GATA2: variants seen among roughly 807,000 people sequenced by gnomAD.
GATA2 encodes the protein GATA binding protein 2, also known as endothelial transcription factor GATA-2.
A neutral mutation model predicts 35.7 loss-of-function variants in GATA2; 6 were observed. The ratio of observed to expected loss-of-function variants is 0.17; its 90% CI spans 0.09 to 0.33. The LOEUF is 0.33. GATA2 is among the 10% of genes least tolerant of loss of function. The pLI is 1.00. For synonymous variants in GATA2, 313 were observed against 274.9 expected, an observed-to-expected ratio of 1.14 and a Z score of -1.37; for missense variants, 541 against 656.6, an observed-to-expected ratio of 0.82 and a Z score of 1.92.
Position 128,483,095 on chromosome 3 carries a change from C to T in GATA2, c.1017+765G>A, listed in dbSNP as rs565413412. Among the ~76,000 whole-genome samples, 9 of 152,356 alleles carry T rather than the reference C, an allele frequency of 5.9e-5. 1 individual carries two copies. Among genetic ancestry groups the T allele is most frequent in the East Asian group, 1.9e-4 (1 of 5,192 alleles). ...CCCCACCCGGGCCTCACCCCGCCCT[C>T]GCTCCAGGGGAAAAAAAGGCCCCCA... On this transcript the variant is annotated intron_variant, in intron 4 of 5. Transcript: ENST00000341105.
chr3:128,483,050 G>C (rs950619735), intron 4 of GATA2, among the ~76,000 whole-genome samples: 2 of 152,188 alleles, frequency 1.3e-5, no homozygotes, highest in Non-Finnish European at 2.9e-5. Context: ...AGGGGCCAAC[G>C]CCGCGTCCTC....
chr3:128,491,711 G>A (rs1043130806), intron 1 of GATA2, among the ~76,000 whole-genome samples: 61 of 152,048 alleles, frequency 4.0e-4, no homozygotes, highest in Non-Finnish European at 8.4e-4. Context: ...AGAGTCTGTG[G>A]CCCCCACGTC....
chr3:128,481,799 C>A lies in GATA2; in HGVS notation c.1143+20G>T, dbSNP rs374234165. 3.1e-5 allele frequency: 50 copies of A among 1,607,770 alleles called. No homozygotes were observed. In the African/African-American group the frequency reaches 5.9e-4, roughly 19 times the overall value. On this transcript the variant is annotated intron_variant, in intron 5 of 5. Transcript: ENST00000341105. ...AGGTCCCCTGGGAGGGGCGGGGTGG[C>A]CGGGGCGGGGCGCACTCACATTGTG...
intron 2 of GATA2, 106 bp downstream of exon 2, chr3:128,486,697 G>C (rs976572967): frequency 8.5e-7 from 1 of 1,170,900 alleles, no homozygotes; most frequent in Non-Finnish European, 1.2e-6. Flanking sequence ...TCAGCAGCTC[G>C]ATTCCTGCGG....
Position 128,487,046 on chromosome 3 carries a change from G to A in GATA2, c.-15C>T. The stretch of plus-strand genomic sequence containing the variant: ...GCCACCTCCATGGCCGGCGGCGGCG[G>A]CTCAGGGTCTGGGTGCAGACGGCAA... On this transcript the variant is annotated 5_prime_UTR_variant, in exon 2 of 6. Coordinates refer to ENST00000341105, the MANE Select transcript of GATA2 (RefSeq NM_032638.5). The A allele has an allele frequency of 1.3e-6, 2 of 1,559,828 alleles. No individual in the cohort carries two copies. The highest frequency in any genetic ancestry group is 1.9e-5 in the Admixed American group (1 of 52,964).
rs2068706218 is a variant in GATA2, at chr3:128,486,791, C to T, written c.229+12G>A. ...GCGCCTGGGTTCTCATCACCACGGG[C>T]CCAGTGCTCACCGTGCGCGGGGCTG... On this transcript the variant is annotated intron_variant, in intron 2 of 5. Transcript: ENST00000341105. The T allele has an allele frequency of 6.3e-7, 1 of 1,590,142 alleles. No individual in the cohort carries two copies. The highest frequency in any genetic ancestry group is 8.6e-7 in the Non-Finnish European group (1 of 1,169,588).
rs1021829661 is a variant in GATA2, at chr3:128,491,224, G to C, written c.-46+1675C>G. Among the ~76,000 whole-genome samples, 319 of 75,786 alleles carry C rather than the reference G, an allele frequency of 4.2e-3. 4 individuals carry two copies. Among genetic ancestry groups the C allele is most frequent in the Non-Finnish European group, 4.1e-3 (150 of 36,218 alleles). The allele number at this position is 75,786 out of a possible 152,430, so 49.7% of individuals were successfully genotyped here. On this transcript the variant is annotated intron_variant, in intron 1 of 5. Transcript: ENST00000341105. ...GGCCGTCCAGCCCCCCCCCCCCTCT[G>C]AGCCCTTTGTTTAAAGTTAGCTCAT...
intron 2 of GATA2, 47 bp downstream of exon 2, chr3:128,486,756 C>T: frequency 2.0e-6 from 3 of 1,538,230 alleles, no homozygotes; most frequent in Non-Finnish European, 2.7e-6. Context: ...CCTCCCTCGC[C>T]TGGCGCGCGG....
In GATA2 at chr3:128,481,936, G is replaced by A. The variant is rs758279649; in HGVS notation, c.1026C>T (p.Ala342=). ...TTGCACAACAGGTGCCGGCTCTTCTGGCGGCCGACTGGGAGGGCAAGGCAG... is the reference window on the plus strand; with the variant it reads ...TTGCACAACAGGTGCCGGCTCTTCTAGCGGCCGACTGGGAGGGCAAGGCAG... ...LIKPKRRLSA[A]RRAGTCCANC... The change falls in exon 5 of 6, where the codon GCC becomes GCT. Residue 342 remains alanine (A), a synonymous_variant. Transcript: ENST00000341105. 2 of 1,613,520 alleles carry A rather than the reference G, an allele frequency of 1.2e-6. No individual in the cohort carries two copies. The highest frequency in any genetic ancestry group is 2.2e-5 in the South Asian group (2 of 91,088).
chr3:128,484,063 G>C, intron 3 of GATA2, 58 bp from the exon 4 acceptor site: 1 of 1,593,468 alleles, frequency 6.3e-7, no homozygotes, highest in East Asian at 2.2e-5. Context: ...TCTCGGGAGG[G>C]AGTCCAGGGC....
intron 4 of GATA2, 131 bp from the exon 5 acceptor site, chr3:128,482,075 C>A: frequency 8.9e-7 from 1 of 1,127,262 alleles, no homozygotes; most frequent in Non-Finnish European, 1.2e-6. Flanking sequence ...GGAATCAAAG[C>A]ATCTCAGAAC....
At chr3:128,485,211 A>G (rs1330285388) in intron 3 of GATA2, among the ~76,000 whole-genome samples, 1 of 152,110 alleles carries the variant, frequency 6.6e-6, no homozygotes, top group Non-Finnish European at 1.5e-5. Flanking sequence ...TCCCGAGGAG[A>G]TCAGGGAGCC....
At chr3:128,492,548 C>G (rs2068790416) in intron 1 of GATA2, among the ~76,000 whole-genome samples, 1 of 152,204 alleles carries the variant, frequency 6.6e-6, no homozygotes, top group South Asian at 2.1e-4. Context: ...GGCTCGGACG[C>G]ATCCGCCGCG....
At position 128,480,301 on chromosome 3, in the gene GATA2, C is replaced by T. The variant is rs1316159406; in HGVS notation, c.*718G>A. The T allele has an allele frequency of 1.3e-5, 3 of 233,240 alleles. No homozygotes were observed. Among genetic ancestry groups the T allele is most frequent in the Admixed American group, 5.6e-5 (1 of 17,786 alleles). 14.4% of individuals were successfully genotyped at this position (233,240 alleles called of 1,614,324 possible). A position where few individuals can be genotyped will look rare whatever the true frequency, so the allele number is the denominator to read the frequency against. On this transcript the variant is annotated 3_prime_UTR_variant, in exon 6 of 6. Transcript: ENST00000341105. The stretch of plus-strand genomic sequence containing the variant: ...TAAGGGGACACAGTCACAGCAGCTT[C>T]GGCCTCAAAGCCAAGGGAGCGATCT...
intron 3 of GATA2, 44 bp downstream of exon 3, chr3:128,485,683 C>T (rs766089219): frequency 1.2e-6 from 2 of 1,601,882 alleles, no homozygotes; most frequent in East Asian, 4.5e-5. Context: ...CACAAAAACG[C>T]AAATGCTCCC....
At position 128,479,917 on chromosome 3, in the gene GATA2, A is replaced by G. The variant is rs887006281; in HGVS notation, c.*1102T>C. The stretch of plus-strand genomic sequence containing the variant: ...CCAACTCCTGCCTTCACCCCCTGCC[A>G]GGCCAGCAAATGCCAACCAGCCCCC... On this transcript the variant is annotated 3_prime_UTR_variant, in exon 6 of 6. Coordinates refer to ENST00000341105, the MANE Select transcript of GATA2 (RefSeq NM_032638.5). 4 of 232,076 alleles carry G rather than the reference A, an allele frequency of 1.7e-5. No individual in the cohort carries two copies. Among genetic ancestry groups the G allele is most frequent in the Admixed American group, 5.6e-5 (1 of 17,746 alleles). 14.4% of individuals were successfully genotyped at this position (232,076 alleles called of 1,614,324 possible).
At chr3:128,483,838 A>G (rs748677418) in intron 4 of GATA2, 22 bp downstream of exon 4, 3 of 1,614,098 alleles carry the variant, frequency 1.9e-6, no homozygotes, top group Non-Finnish European at 1.7e-6. Flanking sequence ...GCCCCCTCCC[A>G]GCCACCTGTG....
At chr3:128,490,744 CT>C (rs2068759483) in intron 1 of GATA2, 1 of 152,278 alleles carries the variant, frequency 6.6e-6, no homozygotes, top group Admixed American at 6.5e-5. Context: ...CCCAAACAAA[CT>C]CCCGGGGAGG....
Position 128,486,986 on chromosome 3 carries a change from C to T in GATA2, c.46G>A (p.Val16Met), listed in dbSNP as rs781485787. 6.2e-6 allele frequency: 10 copies of T among 1,607,236 alleles called. No individual in the cohort carries two copies. Among genetic ancestry groups the T allele is most frequent in the South Asian group, 1.1e-5 (1 of 90,178 alleles). Residue 16 changes from valine to methionine, a missense_variant, in exon 2 of 6, where the codon GTG becomes ATG. By Grantham distance (21) the Val-to-Met change is conservative. Transcript: ENST00000341105. ...EQPRWMAHPA[V>M]LNAQHPDSHH... ...GAGTCGGGGTGCTGCGCATTCAGCA[C>T]GGCCGGGTGCGCCATCCAGCGCGGC...
Sources: gnomAD v4.1 joint callset for allele counts (sites outside exome capture counted in the v4.1 genomes callset) on GRCh38, gnomAD v4.1.1 for gene constraint, MANE v1.5 for transcripts, NCBI Gene and HGNC (gene_info 2026-07-23, HGNC 2026-07-21) for gene names.